The following QRICH1 variants were observed in gnomAD, a reference collection of about 807,000 sequenced individuals.
QRICH1 encodes the protein glutamine rich 1.
A neutral mutation model predicts 87.1 loss-of-function variants in QRICH1; 16 were observed. The observed-to-expected ratio is 0.18, with a 90% CI of 0.12 to 0.28. QRICH1 has a LOEUF of 0.28. QRICH1 is among the 10% of genes least tolerant of loss of function. The probability of loss-of-function intolerance (pLI) is 1.00; values close to 1 mark genes in which losing one functional copy is unlikely to be tolerated. For synonymous variants in QRICH1, 367 were observed against 368.4 expected, an observed-to-expected ratio of 1.00 and a Z score of 0.05; for missense variants, 647 against 951.7, an observed-to-expected ratio of 0.68 and a Z score of 4.21.
chr3:49,068,453 G>A (rs368784713), intron 2 of QRICH1, among the ~76,000 whole-genome samples: 15 of 122,900 alleles, frequency 1.2e-4, no homozygotes, highest in African/African-American at 4.1e-4. Context: ...GCAGGACTCC[G>A]TCTCAAAAAA....
chr3:49,056,949 G>A lies in QRICH1; in HGVS notation c.1251C>T (p.Asp417=), dbSNP rs746647119. 3.7e-6 allele frequency: 6 copies of A among 1,614,126 alleles called. No homozygotes were observed. The highest frequency in any genetic ancestry group is 4.2e-6 in the Non-Finnish European group (5 of 1,180,038). Residue 417 remains aspartate (D), a synonymous_variant, in exon 3 of 10, where the codon GAC becomes GAT. Transcript: ENST00000395443. ...TTTGCTGCTGCGGCTGCTGTTGGGG[G>A]TCCCATATATGGACAGTTTGAGCCG... The part of the protein sequence containing the change: ...QNTAQTVHIW[D]PQQQPQQQTP...
intron 6 of QRICH1, among the ~76,000 whole-genome samples, chr3:49,038,754 C>T (rs531352319): frequency 1.4e-3 from 211 of 152,276 alleles, no homozygotes; most frequent in Non-Finnish European, 2.7e-3. Flanking sequence ...GAGCCGGGCT[C>T]CGTAGTTCAC....
At position 49,058,002 on chromosome 3, in the gene QRICH1, C is replaced by T. The variant is rs766652279; in HGVS notation, c.310-112G>A. 4 of 1,558,280 alleles carry T rather than the reference C, an allele frequency of 2.6e-6. No individual in the cohort carries two copies. In the South Asian group the frequency reaches 4.6e-5, roughly 18 times the overall value. Reference sequence around the variant, plus strand: ...AGGGGACCTGCAAAATGTGAGAAAACACTGGCATACTCAAGGCTTCTGAGA... The same window carrying T: ...AGGGGACCTGCAAAATGTGAGAAAATACTGGCATACTCAAGGCTTCTGAGA... On this transcript the variant is annotated intron_variant, in intron 2 of 9. Coordinates refer to ENST00000395443, the MANE Select transcript of QRICH1 (RefSeq NM_198880.3).
chr3:49,047,479 G>GTTTTTT (rs397724825), intron 3 of QRICH1, among the ~76,000 whole-genome samples: 6 of 109,086 alleles, frequency 5.5e-5, no homozygotes, highest in Admixed American at 9.6e-5. Flanking sequence ...ACTTTTAAAT[G>GTTTTTT]TTTTTTTTTT....
intron 3 of QRICH1, chr3:49,056,610 T>C (rs1287185992): frequency 4.6e-6 from 3 of 650,350 alleles, no homozygotes; most frequent in East Asian, 2.8e-5. Flanking sequence ...TCCATGGTAC[T>C]TAAACCCAAA....
In QRICH1 at chr3:49,033,245, A is replaced by G. The variant is rs372237021; in HGVS notation, c.1787-17T>C. The G allele has an allele frequency of 1.3e-5, 19 of 1,465,744 alleles. No homozygotes were observed. The highest frequency in any genetic ancestry group is 4.3e-5 in the African/African-American group (3 of 69,638). 90.8% of individuals were successfully genotyped at this position (1,465,744 alleles called of 1,614,324 possible). On this transcript the variant is annotated splice_polypyrimidine_tract_variant and intron_variant, in intron 6 of 9. Transcript: ENST00000395443. The stretch of plus-strand genomic sequence containing the variant: ...AGACATAGCCTAGGAGGAATAGAGT[A>G]CTGTCACAACAAGAGGATGGCAGGT...
intron 2 of QRICH1, among the ~76,000 whole-genome samples, chr3:49,076,081 A>G (rs1160706326): frequency 6.6e-6 from 1 of 152,198 alleles, no homozygotes; most frequent in Non-Finnish European, 1.5e-5. Context: ...GTCTCTATTA[A>G]AAGTATAAAA....
At position 49,079,395 on chromosome 3, in the gene QRICH1, T is replaced by G. The variant is rs181546614; in HGVS notation, c.-21-2357A>C. On this transcript the variant is annotated intron_variant, in intron 1 of 9. Coordinates refer to ENST00000395443, the MANE Select transcript of QRICH1 (RefSeq NM_198880.3). ...AGAGACTTTCATCTGTTAAAAGAAA[T>G]AAATAAATAAAATAAAATAAATAAT... Among the ~76,000 whole-genome samples the G allele has an allele frequency of 1.2e-4, 18 of 148,986 alleles. No homozygotes were observed. In the East Asian group the frequency reaches 1.8e-3, roughly 15 times the overall value.
rs1330663916 is a variant in QRICH1, at chr3:49,056,917, T to G, written c.1283A>C (p.Gln428Pro). ...PQQQPQQQTP[Q>P]EQTPPPQQQQ... The stretch of plus-strand genomic sequence containing the variant: ...CTGCTGTGGTGGTGGTGTCTGTTCC[T>G]GGGGAGTTTGCTGCTGCGGCTGCTG... The change falls in exon 3 of 10, where the codon CAG becomes CCG. Residue 428 changes from glutamine to proline, a missense_variant. Around this residue, in one of 7 missense-constraint regions of QRICH1, gnomAD observed 115 missense variants for 126.8 expected, o/e 0.91. Transcript: ENST00000395443. The G allele has an allele frequency of 6.2e-7, 1 of 1,613,980 alleles. No individual in the cohort carries two copies. The highest frequency in any genetic ancestry group is 2.2e-5 in the East Asian group (1 of 44,890).
chr3:49,045,296 A>G (rs1559929901), intron 5 of QRICH1, among the ~76,000 whole-genome samples: 1 of 151,492 alleles, frequency 6.6e-6, no homozygotes. Flanking sequence ...TAACAAAAAG[A>G]AAAGTGTTAC....
intron 5 of QRICH1, among the ~76,000 whole-genome samples, chr3:49,045,701 G>T: frequency 6.6e-6 from 1 of 152,052 alleles, no homozygotes. Flanking sequence ...TGGGGCTCAA[G>T]CAATCCTCCC....
intron 4 of QRICH1, 140 bp from the exon 5 acceptor site, chr3:49,046,719 A>ACATT: frequency 2.1e-6 from 2 of 963,438 alleles, no homozygotes; most frequent in Non-Finnish European, 3.0e-6. Context: ...GTAATGTCAG[A>ACATT]ACTGGCCTAT....
Position 49,057,673 on chromosome 3 carries a change from G to C in QRICH1, c.527C>G (p.Ala176Gly). Residue 176 changes from alanine to glycine, a missense_variant, in exon 3 of 10, where the codon GCA becomes GGA. Coordinates refer to ENST00000395443, the MANE Select transcript of QRICH1 (RefSeq NM_198880.3). The surrounding 1 kb of genome is among the most constrained non-coding windows in gnomAD (Gnocchi z 5.4). ...AAQIQVQHVQAAQQIQAAEIP... is the reference protein window; with the variant it reads ...AAQIQVQHVQGAQQIQAAEIP... ...TTCTGCAGCCTGGATCTGCTGGGCT[G>C]CTTGCACGTGCTGCACCTGGATCTG... The C allele has an allele frequency of 6.2e-7, 1 of 1,614,206 alleles. No homozygotes were observed. Among genetic ancestry groups the C allele is most frequent in the Non-Finnish European group, 8.5e-7 (1 of 1,180,036 alleles).
In QRICH1 at chr3:49,047,170, G is replaced by T; in HGVS notation, c.1415C>A (p.Ser472Tyr). The stretch of plus-strand genomic sequence containing the variant: ...TTCAAGCCCTTCTTCTGGCTTCAAA[G>T]AATTTGGAAGCAGAAGTTCTGGGGA... ...QPSPELLLPN[S>Y]LKPEEGLEVW... Residue 472 changes from serine (S) to tyrosine (Y), a missense_variant, in exon 4 of 10, where the codon TCT becomes TAT. Transcript: ENST00000395443. The T allele has an allele frequency of 1.2e-6, 2 of 1,614,152 alleles. No homozygotes were observed. The highest frequency in any genetic ancestry group is 2.2e-5 in the South Asian group (2 of 91,078).
intron 9 of QRICH1, among the ~76,000 whole-genome samples, chr3:49,031,671 G>A (rs145588993): frequency 1.3e-4 from 20 of 152,292 alleles, no homozygotes; most frequent in African/African-American, 4.6e-4. Flanking sequence ...GTTGAGAAGA[G>A]GCATAATATG....
intron 2 of QRICH1, among the ~76,000 whole-genome samples, chr3:49,076,308 C>T (rs1343180159): frequency 6.6e-6 from 1 of 152,364 alleles, no homozygotes; most frequent in East Asian, 1.9e-4. Context: ...CCGGCGGGGT[C>T]ACGTGCCGGG....
At chr3:49,041,722 C>T (rs1252977766) in intron 6 of QRICH1, among the ~76,000 whole-genome samples, 2 of 151,958 alleles carry the variant, frequency 1.3e-5, no homozygotes, top group Non-Finnish European at 2.9e-5. Context: ...CCTCTGCCTC[C>T]CTGGTTCAAG....
At position 49,084,873 on chromosome 3, in the gene QRICH1, A is replaced by G. The variant is rs560657927; in HGVS notation, c.-21-7835T>C. ...TTCTGAATTTTCCACAAGTGGTATT[A>G]ATCTAAGGCTCACGCCTGTAATCCC... On this transcript the variant is annotated intron_variant, in intron 1 of 9. Transcript: ENST00000395443. Among the ~76,000 whole-genome samples the G allele has an allele frequency of 2.6e-5, 4 of 152,278 alleles. No individual in the cohort carries two copies. The East Asian group carries it at 7.7e-4, about 29-fold the overall frequency.
intron 1 of QRICH1, among the ~76,000 whole-genome samples, chr3:49,078,290 T>C (rs979116723): frequency 5.3e-5 from 8 of 152,080 alleles, no homozygotes; most frequent in African/African-American, 1.4e-4. Context: ...GACAAGACTA[T>C]GTCCTGGTTC....
Sources: allele counts gnomAD v4.1 joint callset (sites outside exome capture counted in the v4.1 genomes callset), GRCh38; gene constraint gnomAD v4.1.1; regional missense constraint gnomAD v4.1.1; non-coding constraint Gnocchi (gnomAD v3.1); transcripts MANE v1.5; gene names NCBI Gene and HGNC (gene_info 2026-07-23, HGNC 2026-07-21).